LAMC1: variants seen among roughly 807,000 people sequenced by gnomAD.
The protein encoded by LAMC1 is laminin subunit gamma-1.
Under a neutral mutation model 173.6 loss-of-function variants are expected in LAMC1, and 38 were observed. That is an observed-to-expected ratio of 0.22 (90% confidence interval 0.17 to 0.29). The LOEUF (loss-of-function observed/expected upper bound fraction) is 0.29, where lower values mean the gene tolerates loss of function less well. LAMC1 is among the 10% of genes least tolerant of loss of function. The pLI, the probability that LAMC1 is intolerant of heterozygous loss-of-function variation, is 1.00. For synonymous variants in LAMC1, 746 were observed against 749.1 expected, an observed-to-expected ratio of 1.00 and a Z score of 0.07; for missense variants, 1,824 against 2,051.8, an observed-to-expected ratio of 0.89 and a Z score of 2.14.
intron 24 of LAMC1, 133 bp from the exon 25 acceptor site, chr1:183,136,253 C>T (rs1251071259): frequency 2.1e-5 from 14 of 682,376 alleles, no homozygotes; most frequent in Non-Finnish European, 1.0e-5. Context: ...TCTAAAATTT[C>T]AGCCCATGCT....
chr1:183,105,047 A>G (rs1273860248), intron 2 of LAMC1, among the ~76,000 whole-genome samples: 4 of 128,544 alleles, frequency 3.1e-5, no homozygotes, highest in Admixed American at 8.1e-5. Context: ...TGTCTCTACT[A>G]AAAATACAAA....
In LAMC1 at chr1:183,103,587, A is replaced by T; in HGVS notation, c.678A>T (p.Glu226Asp). 6.2e-7 allele frequency: 1 copy of T among 1,605,568 alleles called. No homozygotes were observed. The highest frequency in any genetic ancestry group is 2.2e-5 in the East Asian group (1 of 44,802). ...GCAACGTGGCCTTTTCTACCCTGGA[A>T]GGAAGGCCCAGCGCCTATAACTTTG... ...TGGNVAFSTL[E>D]GRPSAYNFDN... The change falls in exon 2 of 28, where the codon GAA becomes GAT. Residue 226 changes from glutamate to aspartate, a missense_variant. Transcript: ENST00000258341.
intron 1 of LAMC1, among the ~76,000 whole-genome samples, chr1:183,025,967 CG>C (rs1653675705): frequency 6.6e-6 from 1 of 152,118 alleles, no homozygotes. Flanking sequence ...AAAGATAATG[CG>C]GTAGAGTAAC....
At chr1:183,099,723 A>C (rs539546997) in intron 1 of LAMC1, among the ~76,000 whole-genome samples, 1 of 152,008 alleles carries the variant, frequency 6.6e-6, no homozygotes, top group African/African-American at 2.4e-5. Context: ...CTTCAACTGT[A>C]CTCAAGTCTC....
intron 1 of LAMC1, among the ~76,000 whole-genome samples, chr1:183,031,924 A>G (rs1251675162): frequency 6.7e-6 from 1 of 150,164 alleles, no homozygotes; most frequent in Admixed American, 6.8e-5. Flanking sequence ...ATAAGAAAAA[A>G]AAAGATTAAA....
intron 1 of LAMC1, among the ~76,000 whole-genome samples, chr1:183,072,706 CTTTATTTGTA>C (rs1655039086): frequency 6.6e-6 from 1 of 152,326 alleles, no homozygotes; most frequent in South Asian, 2.1e-4. Context: ...GCGAGCGAAG[CTTTATTTGTA>C]TTTATAGCCA....
intron 1 of LAMC1, among the ~76,000 whole-genome samples, chr1:183,073,580 G>A (rs1270109834): frequency 6.6e-6 from 1 of 152,172 alleles, no homozygotes; most frequent in Non-Finnish European, 1.5e-5. Flanking sequence ...AACCCAGTGG[G>A]CACTCAAGCC....
At chr1:183,064,914 G>T (rs1165897896) in intron 1 of LAMC1, among the ~76,000 whole-genome samples, 1 of 152,128 alleles carries the variant, frequency 6.6e-6, no homozygotes, top group Non-Finnish European at 1.5e-5. Flanking sequence ...ACTGCAGGGT[G>T]CACTCACACA....
Position 183,144,175 on chromosome 1 carries a change from T to G in LAMC1, c.*1385T>G, listed in dbSNP as rs763312152. On this transcript the variant is annotated 3_prime_UTR_variant, in exon 28 of 28. Transcript: ENST00000258341. The stretch of plus-strand genomic sequence containing the variant: ...CCAACCCACCTTTGAGATTCATATA[T>G]AGCCTTTAACACTATGCAACTTTGT... 5 of 152,578 alleles carry G rather than the reference T, an allele frequency of 3.3e-5. No homozygotes were observed. The highest frequency in any genetic ancestry group is 7.3e-5 in the Non-Finnish European group (5 of 68,046). 9.5% of individuals were successfully genotyped at this position (152,578 alleles called of 1,614,324 possible). A position where few individuals can be genotyped will look rare whatever the true frequency, so the allele number is the denominator to read the frequency against.
intron 16 of LAMC1, among the ~76,000 whole-genome samples, chr1:183,126,556 G>T (rs1362020209): frequency 1.3e-5 from 2 of 152,116 alleles, no homozygotes; most frequent in Non-Finnish European, 2.9e-5. Flanking sequence ...CTTTCCCACT[G>T]TGGTTCATGA....
rs748554899 is a variant in LAMC1, at chr1:183,130,356, A to G, written c.3293A>G (p.Asn1098Ser). 1.4e-5 allele frequency: 22 copies of G among 1,613,950 alleles called. No individual in the cohort carries two copies. The highest frequency in any genetic ancestry group is 2.7e-5 in the African/African-American group (2 of 74,940). ...EAQDVKDVDQ[N>S]LMDRLQRVNN... is the part of the protein sequence containing the mutation. Reference sequence around the variant, plus strand: ...CAAACCATTTTAGATGTTGACCAGAATTTGATGGATCGCCTACAGAGAGTG... The same window carrying G: ...CAAACCATTTTAGATGTTGACCAGAGTTTGATGGATCGCCTACAGAGAGTG... The change falls in exon 19 of 28, where the codon AAT becomes AGT. Residue 1098 changes from asparagine to serine, a missense_variant. Coordinates refer to ENST00000258341, the MANE Select transcript of LAMC1 (RefSeq NM_002293.4).
chr1:183,097,893 A>C (rs1326185300), intron 1 of LAMC1, among the ~76,000 whole-genome samples: 1 of 152,094 alleles, frequency 6.6e-6, no homozygotes, highest in East Asian at 1.9e-4. Context: ...GCAGTAGAAC[A>C]CTCAGAAGCT....
chr1:183,038,305 G>A lies in LAMC1; in HGVS notation c.418+14171G>A, dbSNP rs559481054. Among the ~76,000 whole-genome samples the A allele has an allele frequency of 1.5e-4, 23 of 152,258 alleles. No homozygotes were observed. The South Asian group carries it at 4.6e-3, about 30-fold the overall frequency. On this transcript the variant is annotated intron_variant, in intron 1 of 27. Coordinates refer to ENST00000258341, the MANE Select transcript of LAMC1 (RefSeq NM_002293.4). ...CCCACCTAAAGTCCTGGGGTTACAG[G>A]CGTGAGCCACTGCTCCTGGCCCACA...
At chr1:183,053,394 T>G (rs1383294073) in intron 1 of LAMC1, among the ~76,000 whole-genome samples, 1 of 147,380 alleles carries the variant, frequency 6.8e-6, no homozygotes, top group Non-Finnish European at 1.5e-5. Context: ...TTAAAAATGC[T>G]CATCTGGATC....
intron 22 of LAMC1, among the ~76,000 whole-genome samples, chr1:183,134,367 C>T (rs746972993): frequency 7.9e-5 from 12 of 151,952 alleles, no homozygotes; most frequent in Admixed American, 7.2e-4. Context: ...GAGTAGAGAT[C>T]GGGTGGAAAG....
chr1:183,081,728 A>G (rs1655282460), intron 1 of LAMC1, among the ~76,000 whole-genome samples: 1 of 152,170 alleles, frequency 6.6e-6, no homozygotes, highest in Non-Finnish European at 1.5e-5. Context: ...TCAGAATGGC[A>G]TAGTTGTTAT....
intron 26 of LAMC1, among the ~76,000 whole-genome samples, chr1:183,139,163 G>C (rs1426158767): frequency 3.3e-5 from 5 of 152,174 alleles, no homozygotes; most frequent in Non-Finnish European, 5.9e-5. Context: ...AAAGAAAACA[G>C]TATATTCTTT....
intron 1 of LAMC1, among the ~76,000 whole-genome samples, chr1:183,035,329 C>T (rs1000346538): frequency 6.6e-6 from 1 of 152,220 alleles, no homozygotes; most frequent in Non-Finnish European, 1.5e-5. Context: ...GCTAGGACTA[C>T]AGGCATATGC....
chr1:183,133,502 C>A lies in LAMC1; in HGVS notation c.3801C>A (p.Ile1267=). Residue 1267 remains isoleucine (I), a synonymous_variant, in exon 22 of 28, where the codon ATC becomes ATA. Transcript: ENST00000258341. ...AKRAGDKAVE[I]YASVAQLSPL... is the part of the protein sequence containing the mutation. ...GGGCCGGTGACAAAGCTGTGGAGAT[C>A]TATGCCAGCGTGGCTCAGCTGAGCC... The A allele has an allele frequency of 1.9e-6, 3 of 1,613,930 alleles. No homozygotes were observed. The highest frequency in any genetic ancestry group is 2.5e-6 in the Non-Finnish European group (3 of 1,179,854).
Sources: allele counts gnomAD v4.1 joint callset (sites outside exome capture counted in the v4.1 genomes callset), GRCh38; gene constraint gnomAD v4.1.1; transcripts MANE v1.5; gene names NCBI Gene and HGNC (gene_info 2026-07-23, HGNC 2026-07-21).